The following TGM2 variants were observed in gnomAD, a reference collection of about 807,000 sequenced individuals.
The protein encoded by TGM2 is transglutaminase 2, also known as protein-glutamine gamma-glutamyltransferase 2.
A neutral mutation model predicts 75.6 loss-of-function variants in TGM2; 53 were observed. That is an observed-to-expected ratio of 0.70 (90% CI 0.56 to 0.88). TGM2 has a LOEUF of 0.88. TGM2 is among the 40% of genes least tolerant of loss of function. TGM2 has a pLI of 0.00. For synonymous variants in TGM2, 374 were observed against 381.1 expected, an observed-to-expected ratio of 0.98 and a Z score of 0.22; for missense variants, 842 against 928.5, an observed-to-expected ratio of 0.91 and a Z score of 1.21.
chr20:38,138,794 C>T (rs775663279), intron 9 of TGM2, among the ~76,000 whole-genome samples: 1 of 152,208 alleles, frequency 6.6e-6, no homozygotes, highest in Non-Finnish European at 1.5e-5. Context: ...ATTACTTCTA[C>T]CTAAAATCCT....
intron 3 of TGM2, among the ~76,000 whole-genome samples, chr20:38,152,448 G>A (rs1317785334): frequency 6.6e-6 from 1 of 152,212 alleles, no homozygotes; most frequent in African/African-American, 2.4e-5. Flanking sequence ...AGCAGCCGGG[G>A]GGTGTGGGAT....
At chr20:38,155,736 A>T (rs2075175734) in intron 3 of TGM2, 111 bp downstream of exon 3, 1 of 1,462,854 alleles carries the variant, frequency 6.8e-7, no homozygotes, top group Non-Finnish European at 9.1e-7. Context: ...CACTCAGTCC[A>T]CTTTGATGTG....
rs75015407 is a variant in TGM2 at position 38,143,411 on chromosome 20, C to G, written c.860-1212G>C. Among the ~76,000 whole-genome samples, 494 of 152,294 alleles carry G rather than the reference C, an allele frequency of 3.2e-3. 2 individuals are homozygous for G. Among genetic ancestry groups the G allele is most frequent in the African/African-American group, 0.011 (448 of 41,548 alleles). On this transcript the variant is annotated intron_variant, in intron 6 of 12. Transcript: ENST00000361475. ...GATGCACGTGGCCCTATAAATAGGT[C>G]GCAGCACAGATCAGGGTCCTCAGAC...
chr20:38,155,961 G>A lies in TGM2; in HGVS notation c.319C>T (p.Pro107Ser), dbSNP rs781620280. 2 of 1,613,114 alleles carry A rather than the reference G, an allele frequency of 1.2e-6. No individual in the cohort carries two copies. Among genetic ancestry groups the A allele is most frequent in the South Asian group, 2.2e-5 (2 of 90,754 alleles). The change falls in exon 3 of 13, where the codon CCG becomes TCG. Residue 107 changes from proline (P) to serine (S), a missense_variant. Physicochemically the swap from Pro to Ser is moderately conservative, Grantham distance 74. Coordinates refer to ENST00000361475, the MANE Select transcript of TGM2 (RefSeq NM_004613.4). ...DCTLSLQLTT[P>S]ANAPIGLYRL... is the part of the protein sequence containing the mutation. ...TACAGGCCGATGGGGGCGTTGGCCG[G>A]GGTGGTGAGCTGCAGCGAGAGGGTG...
chr20:38,149,006 C>T (rs1041259113), intron 4 of TGM2, among the ~76,000 whole-genome samples: 10 of 152,164 alleles, frequency 6.6e-5, no homozygotes, highest in Non-Finnish European at 1.5e-5. Context: ...CTATTGCCAT[C>T]GGCCTAATGT....
intron 2 of TGM2, among the ~76,000 whole-genome samples, chr20:38,158,281 C>CAGGAGA (rs2075211842): frequency 6.6e-6 from 1 of 152,230 alleles, no homozygotes. Flanking sequence ...CCTGGGGGAA[C>CAGGAGA]AGGAGAAGGA....
At chr20:38,165,289 G>A, upstream of TGM2, 6 of 1,589,848 alleles carry the variant, frequency 3.8e-6, no homozygotes, top group South Asian at 1.1e-5. Flanking sequence ...GGAGAGCGGC[G>A]CTAACTTATA....
intron 9 of TGM2, 128 bp from the exon 10 acceptor site, chr20:38,138,513 C>T: frequency 6.5e-7 from 1 of 1,547,220 alleles, no homozygotes; most frequent in Non-Finnish European, 8.8e-7. Flanking sequence ...CCCTTCTCTA[C>T]ATTTCTGGGC....
chr20:38,150,833 ACT>A, intron 4 of TGM2, 104 bp downstream of exon 4: 1 of 869,608 alleles, frequency 1.1e-6, no homozygotes, highest in Non-Finnish European at 2.0e-6. Flanking sequence ...GAAGTGGGTG[ACT>A]CTGTGACTCA....
chr20:38,140,301 G>A (rs190998781), intron 8 of TGM2, among the ~76,000 whole-genome samples: 6 of 152,282 alleles, frequency 3.9e-5, no homozygotes, highest in Admixed American at 1.3e-4. Flanking sequence ...GATGGACCAC[G>A]GTCACATTAA....
At chr20:38,147,069 G>A (rs1017010677) in intron 5 of TGM2, among the ~76,000 whole-genome samples, 175 bp from the exon 6 acceptor site, 1 of 152,108 alleles carries the variant, frequency 6.6e-6, no homozygotes, top group African/African-American at 2.4e-5. Context: ...AGATGGTGGG[G>A]GCTGGAGCCG....
chr20:38,144,894 A>G (rs1422063636), intron 6 of TGM2, among the ~76,000 whole-genome samples: 1 of 152,176 alleles, frequency 6.6e-6, no homozygotes, highest in East Asian at 1.9e-4. Context: ...TGCAGTGGGC[A>G]GCTGAGGGGC....
intron 5 of TGM2, among the ~76,000 whole-genome samples, chr20:38,147,738 T>A (rs907726604): frequency 3.3e-5 from 5 of 152,162 alleles, no homozygotes; most frequent in Non-Finnish European, 5.9e-5. Context: ...TGGTACTTGA[T>A]AAATATTTAC....
In TGM2 at chr20:38,155,960, G is replaced by C. The variant is rs755189963; in HGVS notation, c.320C>G (p.Pro107Arg). ...DCTLSLQLTT[P>R]ANAPIGLYRL... Reference sequence around the variant, plus strand: ...ATACAGGCCGATGGGGGCGTTGGCCGGGGTGGTGAGCTGCAGCGAGAGGGT... The same window carrying C: ...ATACAGGCCGATGGGGGCGTTGGCCCGGGTGGTGAGCTGCAGCGAGAGGGT... Residue 107 changes from proline (P) to arginine (R), a missense_variant, in exon 3 of 13, where the codon CCG (proline) becomes CGG (arginine). Coordinates refer to ENST00000361475, the MANE Select transcript of TGM2 (RefSeq NM_004613.4). The C allele has an allele frequency of 1.2e-6, 2 of 1,612,818 alleles. No homozygotes were observed. Among genetic ancestry groups the C allele is most frequent in the Admixed American group, 3.3e-5 (2 of 59,854 alleles).
intron 11 of TGM2, 120 bp downstream of exon 11, chr20:38,132,220 T>TA (rs1403807728): frequency 2.1e-5 from 25 of 1,165,684 alleles, no homozygotes; most frequent in South Asian, 1.6e-4. Flanking sequence ...TGAGGATCGC[T>TA]AAGGCACCAA....
In TGM2 at chr20:38,128,229, G is replaced by C. The variant is rs1049203541; in HGVS notation, c.*1990C>G. 33 of 152,234 alleles carry C rather than the reference G, an allele frequency of 2.2e-4. No homozygotes were observed. The highest frequency in any genetic ancestry group is 7.5e-4 in the African/African-American group (31 of 41,420). 9.4% of individuals were successfully genotyped at this position (152,234 alleles called of 1,614,324 possible). On this transcript the variant is annotated 3_prime_UTR_variant, in exon 13 of 13. Coordinates refer to ENST00000361475, the MANE Select transcript of TGM2 (RefSeq NM_004613.4). The stretch of plus-strand genomic sequence containing the variant: ...CAAAAGCCAAGAGGTAGACAACTAC[G>C]CAGGGTGTTCTGGGGATACAGGAAG...
intron 6 of TGM2, among the ~76,000 whole-genome samples, chr20:38,143,753 T>A (rs1399235756): frequency 2.6e-5 from 4 of 152,194 alleles, no homozygotes; most frequent in Non-Finnish European, 5.9e-5. Flanking sequence ...GAAACAAGAT[T>A]AGGCGTAATA....
intron 2 of TGM2, among the ~76,000 whole-genome samples, chr20:38,161,165 T>G (rs1306007412): frequency 6.6e-6 from 1 of 152,160 alleles, no homozygotes; most frequent in African/African-American, 2.4e-5. Context: ...CTGGTGATAA[T>G]AGGCTTTCAG....
At chr20:38,133,085 T>C (rs2122852368) in intron 10 of TGM2, 1 of 354,628 alleles carries the variant, frequency 2.8e-6, no homozygotes, top group South Asian at 2.1e-5. Flanking sequence ...AACGTTGTCC[T>C]AGGTCACACA....
Sources: allele counts gnomAD v4.1 joint callset (sites outside exome capture counted in the v4.1 genomes callset), GRCh38; gene constraint gnomAD v4.1.1; transcripts MANE v1.5; gene names NCBI Gene and HGNC (gene_info 2026-07-23, HGNC 2026-07-21).